ARHGAP15: variants seen among roughly 807,000 people sequenced by gnomAD.
The protein encoded by ARHGAP15 is Rho GTPase activating protein 15.
Under a neutral mutation model 63.7 loss-of-function variants are expected in ARHGAP15, and 51 were observed. The ratio of observed to expected loss-of-function variants is 0.80; its 90% CI spans 0.64 to 1.01. ARHGAP15 has a LOEUF of 1.01. Among genes scored for constraint, ARHGAP15 ranks in the 50% least tolerant of loss-of-function variants. The pLI, the probability that ARHGAP15 is intolerant of heterozygous loss-of-function variation, is 0.00. For missense variants in ARHGAP15, 560 were observed against 564.6 expected (o/e 0.99, Z 0.08); for synonymous variants, 191 against 193.8 (o/e 0.99, Z 0.12).
At chr2:143,204,909 T>A (rs1449758621) in intron 3 of ARHGAP15, among the ~76,000 whole-genome samples, 1 of 151,852 alleles carries the variant, frequency 6.6e-6, no homozygotes, top group African/African-American at 2.4e-5. Context: ...TAATATCACC[T>A]TTTTAAATAG....
At chr2:143,451,870 A>G (rs1294548797) in intron 8 of ARHGAP15, among the ~76,000 whole-genome samples, 1 of 151,984 alleles carries the variant, frequency 6.6e-6, no homozygotes, top group Non-Finnish European at 1.5e-5. Context: ...AGTAATAGAC[A>G]TTTCCACAGT....
At chr2:143,413,966 T>TGTGTGTGTGCGCGCGCGCGC in intron 6 of ARHGAP15, among the ~76,000 whole-genome samples, 1,247 of 117,804 alleles carry the variant, frequency 0.011, 10 homozygotes, top group East Asian at 0.037. Flanking sequence ...TGTGTGTGTG[T>TGTGTGTGTGCGCGCGCGCGC]GCGCGCTCTC....
chr2:143,263,643 A>G (rs1680847091), intron 6 of ARHGAP15, among the ~76,000 whole-genome samples: 1 of 152,196 alleles, frequency 6.6e-6, no homozygotes, highest in East Asian at 1.9e-4. Context: ...TGGTAGATGT[A>G]GACAAGGATC....
intron 10 of ARHGAP15, among the ~76,000 whole-genome samples, chr2:143,526,265 T>C (rs1463025137): frequency 6.6e-6 from 1 of 152,088 alleles, no homozygotes; most frequent in Admixed American, 6.6e-5. Context: ...AGAGAGGCTA[T>C]CTAAGAAATA....
At chr2:143,346,216 T>TCTCTCACACACA (rs1387344325) in intron 6 of ARHGAP15, among the ~76,000 whole-genome samples, 3 of 127,960 alleles carry the variant, frequency 2.3e-5, no homozygotes, top group African/African-American at 3.3e-5. Flanking sequence ...ACACACACTC[T>TCTCTCACACACA]CTCTCACACA....
chr2:143,502,878 C>A (rs552755389), intron 9 of ARHGAP15, among the ~76,000 whole-genome samples: 1 of 152,282 alleles, frequency 6.6e-6, no homozygotes, highest in South Asian at 2.1e-4. Flanking sequence ...CTGTGCCCGC[C>A]CCTGTGTGTG....
At chr2:143,545,491 C>T (rs1167280269) in intron 10 of ARHGAP15, among the ~76,000 whole-genome samples, 2 of 81,810 alleles carry the variant, frequency 2.4e-5, no homozygotes, top group Admixed American at 3.1e-4. Context: ...CTATGTTGCA[C>T]AAAGTAAAAA....
intron 10 of ARHGAP15, among the ~76,000 whole-genome samples, chr2:143,543,970 T>C (rs1044177355): frequency 3.3e-5 from 5 of 152,180 alleles, no homozygotes; most frequent in African/African-American, 1.2e-4. Context: ...TATATTGTGA[T>C]CATAGGAAGT....
chr2:143,650,935 T>G (rs1394387413), intron 12 of ARHGAP15, among the ~76,000 whole-genome samples: 1 of 151,990 alleles, frequency 6.6e-6, no homozygotes, highest in Non-Finnish European at 1.5e-5. Flanking sequence ...GCATTTTTGC[T>G]GTGCTAAAGT....
At chr2:143,149,909 A>T (rs1396390366) in intron 1 of ARHGAP15, among the ~76,000 whole-genome samples, 1 of 152,064 alleles carries the variant, frequency 6.6e-6, no homozygotes, top group African/African-American at 2.4e-5. Context: ...AAACAGAAAG[A>T]CTTGCATGAT....
chr2:143,163,788 A>G (rs1690391939), intron 2 of ARHGAP15, among the ~76,000 whole-genome samples: 1 of 152,106 alleles, frequency 6.6e-6, no homozygotes, highest in South Asian at 2.1e-4. Flanking sequence ...TATTTGGAGG[A>G]GGCGATATAA....
chr2:143,374,272 A>C (rs1253213207), intron 6 of ARHGAP15, among the ~76,000 whole-genome samples: 1 of 152,042 alleles, frequency 6.6e-6, no homozygotes, highest in African/African-American at 2.4e-5. Flanking sequence ...ATTATGGGAT[A>C]TTGTCACTGG....
intron 6 of ARHGAP15, among the ~76,000 whole-genome samples, chr2:143,272,888 T>A (rs1424087036): frequency 1.3e-5 from 2 of 152,208 alleles, no homozygotes; most frequent in Non-Finnish European, 2.9e-5. Context: ...TTTAATTGGA[T>A]GTGTTTTAAA....
At chr2:143,390,658 T>A (rs774333009) in intron 6 of ARHGAP15, among the ~76,000 whole-genome samples, 1 of 151,806 alleles carries the variant, frequency 6.6e-6, no homozygotes, top group Non-Finnish European at 1.5e-5. Flanking sequence ...CCAAGTGTGC[T>A]TCCTAGTTCC....
chr2:143,480,865 A>T (rs898095408), intron 8 of ARHGAP15: 10 of 152,222 alleles, frequency 6.6e-5, no homozygotes, highest in African/African-American at 2.4e-4. Flanking sequence ...GAAAGGAATA[A>T]ACAGGAGGCT....
chr2:143,166,307 G>T (rs1287934781), intron 2 of ARHGAP15, among the ~76,000 whole-genome samples: 1 of 152,104 alleles, frequency 6.6e-6, no homozygotes, highest in Non-Finnish European at 1.5e-5. Context: ...CCTGCTCGTT[G>T]AGTGGTCACC....
At chr2:143,195,301 T>C (rs1450623553) in intron 2 of ARHGAP15, among the ~76,000 whole-genome samples, 2 of 152,128 alleles carry the variant, frequency 1.3e-5, no homozygotes, top group African/African-American at 4.8e-5. Context: ...GAAAGTGGAA[T>C]TGTGAAACAA....
At chr2:143,405,269 T>C (rs1412837127) in intron 6 of ARHGAP15, among the ~76,000 whole-genome samples, 1 of 94,274 alleles carries the variant, frequency 1.1e-5, no homozygotes, top group Non-Finnish European at 2.2e-5. Context: ...ATAAGCCAGG[T>C]GTTTTTTTTT....
intron 13 of ARHGAP15, among the ~76,000 whole-genome samples, chr2:143,732,646 A>G (rs945500020): frequency 3.3e-5 from 5 of 152,120 alleles, no homozygotes; most frequent in African/African-American, 4.8e-5. Flanking sequence ...TTTAAATAAT[A>G]CAGGTTGTCA....
Sources: gnomAD v4.1 joint callset for allele counts (sites outside exome capture counted in the v4.1 genomes callset) on GRCh38, gnomAD v4.1.1 for gene constraint, MANE v1.5 for transcripts, NCBI Gene and HGNC (gene_info 2026-07-23, HGNC 2026-07-21) for gene names.